The following TCF4 variants were observed in gnomAD, a reference collection of about 807,000 sequenced individuals.
The protein encoded by TCF4 is transcription factor 4, also known as SL3-3 enhancer factor 2.
A neutral mutation model predicts 82.1 loss-of-function variants in TCF4; 3 were observed. The observed-to-expected ratio is 0.04, with a 90% CI of 0.02 to 0.09. TCF4 has a LOEUF of 0.09. TCF4 is among the 10% of genes least tolerant of loss of function. The pLI, the probability that TCF4 is intolerant of heterozygous loss-of-function variation, is 1.00. For missense variants in TCF4, 518 were observed against 852.7 expected (o/e 0.61, Z 4.89); for synonymous variants, 276 against 309.6 (o/e 0.89, Z 1.14).
intron 16 of TCF4, among the ~76,000 whole-genome samples, chr18:55,232,897 T>C (rs1210390967): frequency 6.6e-6 from 1 of 152,228 alleles, no homozygotes; most frequent in African/African-American, 2.4e-5. Flanking sequence ...TTGGAGTAGA[T>C]GGTAATTTCA....
chr18:55,524,864 A>G (rs182179974), intron 3 of TCF4, among the ~76,000 whole-genome samples: 107 of 152,306 alleles, frequency 7.0e-4, no homozygotes, highest in Admixed American at 2.1e-3. Flanking sequence ...ACAATGGTCA[A>G]TTATCTAATT....
intron 6 of TCF4, among the ~76,000 whole-genome samples, chr18:55,364,408 A>G (rs2086284350): frequency 6.6e-6 from 1 of 152,204 alleles, no homozygotes; most frequent in South Asian, 2.1e-4. Context: ...GTTTTTCTAA[A>G]AAGTATCTTC....
In TCF4 at chr18:55,367,937, A is replaced by G. The variant is rs1280994037; in HGVS notation, c.370-16934T>C. On this transcript the variant is annotated intron_variant, in intron 6 of 19. Coordinates refer to ENST00000354452, the MANE Select transcript of TCF4 (RefSeq NM_001083962.2). ...TAATCATCAATAGATCCTAAAACAA[A>G]CAGGTGAAAGACAATGTAAAACTCT... Among the ~76,000 whole-genome samples the G allele has an allele frequency of 1.3e-5, 2 of 152,222 alleles. 1 individual carries two copies.
rs114205820 is a variant in TCF4, at chr18:55,254,064, T to C, written c.1350+433A>G. Among the ~76,000 whole-genome samples the C allele has an allele frequency of 1.7e-3, 255 of 152,340 alleles. 2 individuals are homozygous for C. Among genetic ancestry groups the C allele is most frequent in the African/African-American group, 5.8e-3 (242 of 41,590 alleles). ...ACAATAAAAATGAATAAAGCTCTAA[T>C]ACGTGGCAAACTGTAGAAAAACTGC... On this transcript the variant is annotated intron_variant, in intron 15 of 19. Coordinates refer to ENST00000354452, the MANE Select transcript of TCF4 (RefSeq NM_001083962.2).
At chr18:55,580,502 T>C (rs1336256762) in intron 3 of TCF4, among the ~76,000 whole-genome samples, 2 of 152,074 alleles carry the variant, frequency 1.3e-5, no homozygotes, top group Admixed American at 6.6e-5. Context: ...TGTATTTTCT[T>C]AGTAAAACTA....
chr18:55,298,422 A>ACCAT (rs1185963617), intron 8 of TCF4, among the ~76,000 whole-genome samples: 1 of 152,188 alleles, frequency 6.6e-6, no homozygotes, highest in African/African-American at 2.4e-5. Flanking sequence ...TAAGTGACCC[A>ACCAT]CCATGTTCGA....
chr18:55,448,039 G>A (rs1248103047), intron 5 of TCF4, among the ~76,000 whole-genome samples: 1 of 152,086 alleles, frequency 6.6e-6, no homozygotes, highest in Non-Finnish European at 1.5e-5. Flanking sequence ...CAAGTAAACT[G>A]TATCTGAATA....
intron 3 of TCF4, among the ~76,000 whole-genome samples, chr18:55,519,479 C>T (rs1237050540): frequency 6.6e-6 from 1 of 150,636 alleles, no homozygotes; most frequent in Non-Finnish European, 1.5e-5. Flanking sequence ...TGTTGAGAAA[C>T]CATTGTACCA....
intron 6 of TCF4, among the ~76,000 whole-genome samples, chr18:55,367,349 C>T (rs2087473449): frequency 1.3e-5 from 2 of 152,214 alleles, no homozygotes; most frequent in Admixed American, 1.3e-4. Context: ...CTGCCATCCT[C>T]CCTCCTTCTG....
In TCF4 at chr18:55,229,309, G is replaced by A. The variant is rs2047200842; in HGVS notation, c.1650-233C>T. On this transcript the variant is annotated intron_variant, in intron 17 of 19. Transcript: ENST00000354452. The stretch of plus-strand genomic sequence containing the variant: ...ATTAAACCCAAACCAAACAGGTGAG[G>A]GTGACGTAGATTAAAGTTAGAGTGC... 4 of 554,724 alleles carry A rather than the reference G, an allele frequency of 7.2e-6. No homozygotes were observed. The Admixed American group carries it at 1.1e-4, about 16-fold the overall frequency. The allele number at this position is 554,724 out of a possible 1,614,324, so 34.4% of individuals were successfully genotyped here.
At chr18:55,304,040 G>C (rs965009717) in intron 8 of TCF4, among the ~76,000 whole-genome samples, 1 of 152,112 alleles carries the variant, frequency 6.6e-6, no homozygotes, top group Admixed American at 6.5e-5. Context: ...AGACAAACCA[G>C]TGAAATCCAA....
intron 8 of TCF4, chr18:55,302,759 T>C: frequency 1.5e-6 from 1 of 660,690 alleles, no homozygotes; most frequent in Non-Finnish European, 2.4e-6. Flanking sequence ...GCATGAGGCG[T>C]CCCCTGGATA....
intron 3 of TCF4, among the ~76,000 whole-genome samples, chr18:55,533,271 G>A (rs2097085531): frequency 6.6e-6 from 1 of 152,136 alleles, no homozygotes; most frequent in African/African-American, 2.4e-5. Context: ...TTACAGGCAG[G>A]CTCAGGTAAA....
At chr18:55,301,822 G>GGGGA (rs1555848698) in intron 8 of TCF4, among the ~76,000 whole-genome samples, 1 of 137,168 alleles carries the variant, frequency 7.3e-6, no homozygotes, top group Admixed American at 7.3e-5. Flanking sequence ...AGTGGGGGGG[G>GGGGA]ATTCGGGTGG....
At position 55,346,121 on chromosome 18, in the gene TCF4, G is replaced by C. The variant is rs1170029677; in HGVS notation, c.549+4238C>G. Among the ~76,000 whole-genome samples, 7 of 151,982 alleles carry C rather than the reference G, an allele frequency of 4.6e-5. No individual in the cohort carries two copies. In the East Asian group the frequency reaches 1.4e-3, roughly 29 times the overall value. Reference sequence around the variant, plus strand: ...GTTTTTATATAACACAAAATACATAGGACATTTAAGGCCATTAGCATTACT... The same window carrying C: ...GTTTTTATATAACACAAAATACATACGACATTTAAGGCCATTAGCATTACT... On this transcript the variant is annotated intron_variant, in intron 8 of 19. Transcript: ENST00000354452.
At chr18:55,515,064 T>C (rs1017623303) in intron 3 of TCF4, among the ~76,000 whole-genome samples, 3 of 152,138 alleles carry the variant, frequency 2.0e-5, no homozygotes, top group Non-Finnish European at 4.4e-5. Flanking sequence ...ATTAGGAAAT[T>C]TGCCTAATTT....
chr18:55,542,784 A>G (rs574382473), intron 3 of TCF4, among the ~76,000 whole-genome samples: 2 of 152,156 alleles, frequency 1.3e-5, no homozygotes, highest in African/African-American at 4.8e-5. Context: ...ACATTTTAAG[A>G]AAGTCTATCA....
intron 13 of TCF4, among the ~76,000 whole-genome samples, chr18:55,257,882 C>T (rs989895116): frequency 6.6e-6 from 1 of 152,098 alleles, no homozygotes; most frequent in African/African-American, 2.4e-5. Flanking sequence ...CAGTGATCCA[C>T]TAAGCCAGAA....
chr18:55,591,841 A>G (rs935114926), upstream of TCF4, among the ~76,000 whole-genome samples: 1 of 152,140 alleles, frequency 6.6e-6, no homozygotes, highest in Non-Finnish European at 1.5e-5. Flanking sequence ...TTCAAGGGCA[A>G]TAAATAATCT....
Sources: gnomAD v4.1 joint callset for allele counts (sites outside exome capture counted in the v4.1 genomes callset) on GRCh38, gnomAD v4.1.1 for gene constraint, MANE v1.5 for transcripts, NCBI Gene and HGNC (gene_info 2026-07-23, HGNC 2026-07-21) for gene names.